STAT4: variants seen among roughly 807,000 people sequenced by gnomAD.
STAT4 encodes signal transducer and activator of transcription 4.
In STAT4, 42 loss-of-function variants were observed where a neutral mutation model predicts 110.5. The observed-to-expected ratio is 0.38, with a 90% CI of 0.30 to 0.49. The LOEUF (loss-of-function observed/expected upper bound fraction) is 0.49, where lower values mean the gene tolerates loss of function less well. Among genes scored for constraint, STAT4 ranks in the 20% least tolerant of loss-of-function variants. STAT4 has a pLI of 0.95. For synonymous variants in STAT4, 284 were observed against 302.2 expected, an observed-to-expected ratio of 0.94 and a Z score of 0.63; for missense variants, 632 against 887.9, an observed-to-expected ratio of 0.71 and a Z score of 3.66.
intron 3 of STAT4, among the ~76,000 whole-genome samples, chr2:191,089,085 T>C (rs1481198741): frequency 6.6e-6 from 1 of 152,178 alleles, no homozygotes; most frequent in Non-Finnish European, 1.5e-5. Flanking sequence ...ACAGATTGAT[T>C]AGTGGAAAAA....
chr2:191,070,592 T>C (rs1447701849), intron 5 of STAT4, among the ~76,000 whole-genome samples: 2 of 152,320 alleles, frequency 1.3e-5, no homozygotes, highest in East Asian at 3.9e-4. Context: ...CTTTTCTTCT[T>C]AGAAAAGTCA....
intron 3 of STAT4, among the ~76,000 whole-genome samples, chr2:191,120,607 C>G (rs1331350680): frequency 6.6e-6 from 1 of 152,120 alleles, no homozygotes; most frequent in East Asian, 1.9e-4. Context: ...GTCTATATCT[C>G]TGTTTTGGTA....
In STAT4 at chr2:191,031,395, C is replaced by T; in HGVS notation, c.2111+55G>A. ...TGTGTACTCTGCTCTACCTTTAAAT[C>T]TCCTATAGGAAAGCTTTTTATAAAA... On this transcript the variant is annotated intron_variant, in intron 22 of 23. Transcript: ENST00000392320. This position sits in a 1 kb window ranked among gnomAD's most constrained non-coding sequence, Gnocchi z 4.8. The T allele has an allele frequency of 6.5e-7, 1 of 1,547,426 alleles. No homozygotes were observed. The highest frequency in any genetic ancestry group is 2.3e-5 in the East Asian group (1 of 44,366).
Position 191,136,024 on chromosome 2 carries a change from C to CAAAAAAAAAAAA in STAT4, c.273+10588_273+10589insTTTTTTTTTTTT, listed in dbSNP as rs1699173501. ...ATCTCAGAAAAAAAAAAAAAAAAAC[C>CAAAAAAAAAAAA]AAAAAACAAAAAACCAATGTGATCA... On this transcript the variant is annotated intron_variant, in intron 3 of 23. Transcript: ENST00000392320. 3.4e-4 allele frequency among the ~76,000 whole-genome samples: 15 copies of CAAAAAAAAAAAA among 43,772 alleles called. 2 individuals carry two copies. Among genetic ancestry groups the CAAAAAAAAAAAA allele is most frequent in the African/African-American group, 8.4e-4 (13 of 15,544 alleles). 28.7% of individuals were successfully genotyped at this position (43,772 alleles called of 152,430 possible). A position where few individuals can be genotyped will look rare whatever the true frequency, so the allele number is the denominator to read the frequency against.
At chr2:191,098,424 T>C (rs1213634675) in intron 3 of STAT4, among the ~76,000 whole-genome samples, 1 of 152,202 alleles carries the variant, frequency 6.6e-6, no homozygotes, top group Non-Finnish European at 1.5e-5. Flanking sequence ...CATGGAATAC[T>C]ATGCAGCCAT....
At chr2:191,106,910 T>C (rs538005455) in intron 3 of STAT4, among the ~76,000 whole-genome samples, 69 of 152,284 alleles carry the variant, frequency 4.5e-4, no homozygotes, top group African/African-American at 1.6e-3. Context: ...ATTTCTGTAA[T>C]ACTCTAGGTG....
Position 191,141,384 on chromosome 2 carries a change from G to GTA in STAT4, c.273+5227_273+5228dup, listed in dbSNP as rs147623860. Among the ~76,000 whole-genome samples, 1,430 of 146,338 alleles carry GTA rather than the reference G, an allele frequency of 9.8e-3. 38 individuals carry two copies. Among genetic ancestry groups the GTA allele is most frequent in the African/African-American group, 0.034 (1,343 of 39,340 alleles). ...TAAAATGGTTATTTTATACATACAT[G>GTA]TATATATATATCATATATATACATA... On this transcript the variant is annotated intron_variant, in intron 3 of 23. Transcript: ENST00000392320.
rs191330625 is a variant in STAT4 at position 191,043,394 on chromosome 2, A to G, written c.1252-2246T>C. On this transcript the variant is annotated intron_variant, in intron 14 of 23. Coordinates refer to ENST00000392320, the MANE Select transcript of STAT4 (RefSeq NM_003151.4). The surrounding 1 kb of genome is among the most constrained non-coding windows in gnomAD (Gnocchi z 4.8). ...AGCAACAAACTAACACAAGTTCTGGAAAGAGAACAGAGAAAATGGAGTAGA... is the reference window on the plus strand; with the variant it reads ...AGCAACAAACTAACACAAGTTCTGGGAAGAGAACAGAGAAAATGGAGTAGA... 6.6e-4 allele frequency among the ~76,000 whole-genome samples: 100 copies of G among 152,360 alleles called. 1 individual carries two copies. Among genetic ancestry groups the G allele is most frequent in the African/African-American group, 2.1e-3 (89 of 41,588 alleles).
Position 191,113,557 on chromosome 2 carries a change from C to A in STAT4, c.273+33056G>T, listed in dbSNP as rs2125369217. Among the ~76,000 whole-genome samples the A allele has an allele frequency of 6.6e-6, 1 of 152,262 alleles. No individual in the cohort carries two copies. Among genetic ancestry groups the A allele is most frequent in the African/African-American group, 2.4e-5 (1 of 41,564 alleles). On this transcript the variant is annotated intron_variant, in intron 3 of 23. Coordinates refer to ENST00000392320, the MANE Select transcript of STAT4 (RefSeq NM_003151.4). The surrounding 1 kb of genome is among the most constrained non-coding windows in gnomAD (Gnocchi z 4.8). ...GAAGGCTGAATTGGTTTAAGAGATTCAAGGAAACTTTTGGCTTCACAGGGA... is the reference window on the plus strand; with the variant it reads ...GAAGGCTGAATTGGTTTAAGAGATTAAAGGAAACTTTTGGCTTCACAGGGA...
Position 191,058,151 on chromosome 2 carries a change from A to G in STAT4, c.1113-40T>C. On this transcript the variant is annotated intron_variant, in intron 12 of 23. Transcript: ENST00000392320. This position sits in a 1 kb window ranked among gnomAD's most constrained non-coding sequence, Gnocchi z 4.3. Reference sequence around the variant, plus strand: ...TTAGCTATTTACATGGTCTCAGGTAAAATAAATTTACAAGAGCAGCAACAA... The same window carrying G: ...TTAGCTATTTACATGGTCTCAGGTAGAATAAATTTACAAGAGCAGCAACAA... 1.2e-6 allele frequency: 2 copies of G among 1,613,784 alleles called. No homozygotes were observed. Among genetic ancestry groups the G allele is most frequent in the Non-Finnish European group, 1.7e-6 (2 of 1,179,774 alleles).
chr2:191,045,728 C>T (rs915796013), intron 14 of STAT4, among the ~76,000 whole-genome samples: 12 of 152,146 alleles, frequency 7.9e-5, no homozygotes, highest in Admixed American at 4.6e-4. Flanking sequence ...ATTTAAGATT[C>T]GTTATTGAGA....
rs148272752 is a variant in STAT4 at position 191,133,838 on chromosome 2, C to T, written c.273+12775G>A. Among the ~76,000 whole-genome samples the T allele has an allele frequency of 2.6e-3, 392 of 148,628 alleles. 14 individuals are homozygous for T. The highest frequency in any genetic ancestry group is 9.6e-3 in the African/African-American group (368 of 38,392). ...TCCTACACAAAATCGCATATGAATG[C>T]TAGTAGCAGCTTTATTCATAATAGC... On this transcript the variant is annotated intron_variant, in intron 3 of 23. Transcript: ENST00000392320.
intron 3 of STAT4, among the ~76,000 whole-genome samples, chr2:191,133,045 C>A (rs1330578753): frequency 6.6e-6 from 1 of 151,272 alleles, no homozygotes; most frequent in African/African-American, 2.4e-5. Context: ...TGGGCCACTG[C>A]GCCTGGCGGT....
At chr2:191,070,377 T>C (rs1288447205) in intron 5 of STAT4, among the ~76,000 whole-genome samples, 1 of 152,150 alleles carries the variant, frequency 6.6e-6, no homozygotes, top group Non-Finnish European at 1.5e-5. Flanking sequence ...TTATCTCCTT[T>C]AGTCTTCACA....
intron 3 of STAT4, among the ~76,000 whole-genome samples, chr2:191,081,797 T>C (rs572950498): frequency 7.9e-5 from 12 of 152,184 alleles, no homozygotes; most frequent in Non-Finnish European, 1.6e-4. Context: ...CCCAAATTCA[T>C]AATCCTGGAC....
rs1294017171 is a variant in STAT4, at chr2:191,148,092, T to G, written c.112A>C (p.Ile38Leu). The change falls in exon 2 of 24, where the codon ATT (isoleucine) becomes CTT (leucine). Residue 38 changes from isoleucine to leucine, a missense_variant. Ile to Leu is a conservative substitution (Grantham distance 5, BLOSUM62 2). Transcript: ENST00000392320. ...MEIRHLLAQW[I>L]ENQDWEAASN... ...TGATCCTACCAGTCTTGATTTTCAA[T>G]CCATTGGGCCAACAGATGCCGAATT... 6.2e-7 allele frequency: 1 copy of G among 1,613,794 alleles called. No individual in the cohort carries two copies. Among genetic ancestry groups the G allele is most frequent in the South Asian group, 1.1e-5 (1 of 91,064 alleles).
At chr2:191,072,325 C>A (rs1329379293) in intron 5 of STAT4, among the ~76,000 whole-genome samples, 1 of 152,038 alleles carries the variant, frequency 6.6e-6, no homozygotes, top group Non-Finnish European at 1.5e-5. Context: ...GTGAGTAGAG[C>A]CATTGGTTTT....
rs765751774 is a variant in STAT4 at position 191,051,861 on chromosome 2, C to T, written c.1251+2629G>A. ...CTATCTTGAGTAAGCTGTGTGACCA[C>T]TCTGTGCCTCAGTTTCCATAACTGA... On this transcript the variant is annotated intron_variant, in intron 14 of 23. Transcript: ENST00000392320. The surrounding 1 kb of genome is among the most constrained non-coding windows in gnomAD (Gnocchi z 5.6). Among the ~76,000 whole-genome samples the T allele has an allele frequency of 7.2e-4, 110 of 152,234 alleles. 1 individual carries two copies. The highest frequency in any genetic ancestry group is 3.1e-4 in the Non-Finnish European group (21 of 68,046).
chr2:191,114,490 T>C (rs556197176), intron 3 of STAT4, among the ~76,000 whole-genome samples: 1 of 152,346 alleles, frequency 6.6e-6, no homozygotes, highest in South Asian at 2.1e-4. Flanking sequence ...TCGTTTTTCT[T>C]ACTGTTCTAT....
Sources: gnomAD v4.1 joint callset for allele counts (sites outside exome capture counted in the v4.1 genomes callset) on GRCh38, gnomAD v4.1.1 for gene constraint, Gnocchi (gnomAD v3.1) non-coding constraint, MANE v1.5 for transcripts, NCBI Gene and HGNC (gene_info 2026-07-23, HGNC 2026-07-21) for gene names.